The following MAEA variants were observed in gnomAD, a reference collection of about 807,000 sequenced individuals.
MAEA encodes the protein macrophage erythroblast attacher, E3 ubiquitin ligase.
In MAEA, 22 loss-of-function variants were observed where a neutral mutation model predicts 46.2. The observed-to-expected ratio is 0.48, with a 90% confidence interval of 0.34 to 0.68. The LOEUF (loss-of-function observed/expected upper bound fraction) is 0.68, where lower values mean the gene tolerates loss of function less well. MAEA is among the 30% of genes least tolerant of loss of function. The pLI, the probability that MAEA is intolerant of heterozygous loss-of-function variation, is 0.01. For synonymous variants in MAEA, 246 were observed against 222.6 expected (o/e 1.11, Z -0.94); for missense variants, 393 against 558.1 (o/e 0.70, Z 2.98).
At chr4:1,319,559 G>T (rs1411968874) in intron 3 of MAEA, among the ~76,000 whole-genome samples, 1 of 151,688 alleles carries the variant, frequency 6.6e-6, no homozygotes. Flanking sequence ...GTGTTGACGG[G>T]ACATGAGGCA....
At chr4:1,309,637 A>T (rs1736221485) in intron 1 of MAEA, 4 of 1,530,068 alleles carry the variant, frequency 2.6e-6, no homozygotes, top group South Asian at 1.2e-5. Flanking sequence ...CCTGAGGAGT[A>T]AGCGGCTGGA....
chr4:1,337,225 T>A lies in MAEA; in HGVS notation c.899+231T>A, dbSNP rs1176632013. ...GGGAAGTGGCGCGCTTCCTCTCTCA[T>A]CATCTCAGAGGCCGCCATGGGCATT... On this transcript the variant is annotated intron_variant, in intron 7 of 8. Coordinates refer to ENST00000303400, the MANE Select transcript of MAEA (RefSeq NM_001017405.3). 6 of 560,390 alleles carry A rather than the reference T, an allele frequency of 1.1e-5. 1 individual carries two copies. Among genetic ancestry groups the A allele is most frequent in the African/African-American group, 1.9e-5 (1 of 52,756 alleles). The allele number at this position is 560,390 out of a possible 1,614,324, so 34.7% of individuals were successfully genotyped here.
chr4:1,291,282 G>T (rs912977875), intron 1 of MAEA, among the ~76,000 whole-genome samples: 3 of 152,184 alleles, frequency 2.0e-5, no homozygotes, highest in African/African-American at 7.2e-5. Context: ...ACAGGTGTGA[G>T]CCACGCGCCC....
intron 1 of MAEA, among the ~76,000 whole-genome samples, chr4:1,292,616 C>T (rs1734208625): frequency 6.6e-6 from 1 of 152,156 alleles, no homozygotes; most frequent in South Asian, 2.1e-4. Context: ...TGTCTGCCTG[C>T]CAGATGCCAA....
intron 5 of MAEA, chr4:1,329,028 C>T (rs1015842246): frequency 1.0e-6 from 1 of 986,020 alleles, no homozygotes; most frequent in Non-Finnish European, 1.2e-6. Context: ...TGTCGCTGGC[C>T]TCTGTCCGGC....
At chr4:1,326,754 C>G (rs60722337) in intron 4 of MAEA, among the ~76,000 whole-genome samples, 30,509 of 152,128 alleles carry the variant, frequency 0.2, 3,762 homozygotes, top group African/African-American at 0.35. Context: ...CCACCTAGGA[C>G]CTCAGTGTCC....
Position 1,311,405 on chromosome 4 carries a change from T to A in MAEA, c.70-574T>A, listed in dbSNP as rs1736488398. Among the ~76,000 whole-genome samples the A allele has an allele frequency of 6.6e-6, 1 of 152,224 alleles. No individual in the cohort carries two copies. The highest frequency in any genetic ancestry group is 1.5e-5 in the Non-Finnish European group (1 of 68,036). On this transcript the variant is annotated intron_variant, in intron 1 of 8. Coordinates refer to ENST00000303400, the MANE Select transcript of MAEA (RefSeq NM_001017405.3). The surrounding 1 kb of genome is among the most constrained non-coding windows in gnomAD (Gnocchi z 4.4). ...TAAGATTCTCCTTGATTGGCTTATT[T>A]CCACAGGGAATGGATGGTTCTTACG...
At chr4:1,322,549 C>T in intron 4 of MAEA, 46 bp downstream of exon 4, 5 of 1,603,562 alleles carry the variant, frequency 3.1e-6, no homozygotes, top group Non-Finnish European at 4.3e-6. Flanking sequence ...GGGGCCGAGG[C>T]TGCGCCACCT....
At chr4:1,330,472 A>ATG (rs1560381745) in intron 5 of MAEA, 20 of 122,612 alleles carry the variant, frequency 1.6e-4, no homozygotes, top group African/African-American at 5.1e-4. Context: ...GCCCACCACC[A>ATG]CGCCCGGCTA....
At chr4:1,294,482 G>A (rs1232195383) in intron 1 of MAEA, among the ~76,000 whole-genome samples, 1 of 152,174 alleles carries the variant, frequency 6.6e-6, no homozygotes, top group African/African-American at 2.4e-5. Flanking sequence ...GGGCTAGGTT[G>A]GAGGCAGTAC....
At chr4:1,295,934 ACACCTGTGCCACCCTCGCCCG>A (rs1734640449) in intron 1 of MAEA, among the ~76,000 whole-genome samples, 1 of 42,758 alleles carries the variant, frequency 2.3e-5, no homozygotes, top group African/African-American at 9.2e-5. Flanking sequence ...CCCCTCACCC[ACACCTGTGCCACCCTCGCCCG>A]CACCTGTGCC....
At position 1,332,640 on chromosome 4, in the gene MAEA, G is replaced by T. The variant is rs1291614625; in HGVS notation, c.657-117G>T. ...GATCGCCTGAGCCTGAGAGTTCGAG[G>T]CTACAGTGAGCTGTGACTGTGCCAC... On this transcript the variant is annotated intron_variant, in intron 5 of 8. Transcript: ENST00000303400. 7.1e-6 allele frequency: 5 copies of T among 705,874 alleles called. No homozygotes were observed. The Admixed American group carries it at 1.2e-4, about 18-fold the overall frequency. 43.7% of individuals were successfully genotyped at this position (705,874 alleles called of 1,614,324 possible). A position where few individuals can be genotyped will look rare whatever the true frequency, so the allele number is the denominator to read the frequency against.
intron 3 of MAEA, among the ~76,000 whole-genome samples, chr4:1,320,915 A>G (rs1388568625): frequency 1.3e-5 from 2 of 152,138 alleles, no homozygotes; most frequent in African/African-American, 4.8e-5. Context: ...CCTGGCTAAC[A>G]CGGTGAAACC....
Position 1,311,777 on chromosome 4 carries a change from C to G in MAEA, c.70-202C>G, listed in dbSNP as rs1736535584. On this transcript the variant is annotated intron_variant, in intron 1 of 8. Coordinates refer to ENST00000303400, the MANE Select transcript of MAEA (RefSeq NM_001017405.3). This position sits in a 1 kb window ranked among gnomAD's most constrained non-coding sequence, Gnocchi z 4.4. ...GGCAAAAATTGGGGTTGCTTCTCATCCAGGGATGTGGAGTGGCTCTCCGTT... is the reference window on the plus strand; with the variant it reads ...GGCAAAAATTGGGGTTGCTTCTCATGCAGGGATGTGGAGTGGCTCTCCGTT... Among the ~76,000 whole-genome samples the G allele has an allele frequency of 6.6e-6, 1 of 152,186 alleles. No individual in the cohort carries two copies. The highest frequency in any genetic ancestry group is 1.5e-5 in the Non-Finnish European group (1 of 68,022).
At position 1,309,674 on chromosome 4, in the gene MAEA, G is replaced by A. The variant is rs757339253; in HGVS notation, c.70-2305G>A. ...GTGGACCCTGAGAGCCACTGGCAGG[G>A]AGGTGGGGTCTTCCAGTTGTGAAGA... On this transcript the variant is annotated intron_variant, in intron 1 of 8. Coordinates refer to ENST00000303400, the MANE Select transcript of MAEA (RefSeq NM_001017405.3). 8 of 1,531,912 alleles carry A rather than the reference G, an allele frequency of 5.2e-6. No individual in the cohort carries two copies. The East Asian group carries it at 2.0e-4, about 37-fold the overall frequency. The allele number at this position is 1,531,912 out of a possible 1,614,324, so 94.9% of individuals were successfully genotyped here.
intron 3 of MAEA, among the ~76,000 whole-genome samples, chr4:1,320,710 C>T (rs1231215386): frequency 6.6e-6 from 1 of 151,942 alleles, no homozygotes; most frequent in South Asian, 2.1e-4. Context: ...CATGAACATG[C>T]AAGAAGACGC....
chr4:1,332,432 A>C, intron 5 of MAEA: 1 of 214,970 alleles, frequency 4.7e-6, no homozygotes, highest in Non-Finnish European at 9.5e-6. Context: ...TTAAAAATGC[A>C]GGCCGGGTGC....
rs1733922932 is a variant in MAEA, at chr4:1,289,988, C to G, written c.69+6C>G. 1 of 1,582,538 alleles carries G rather than the reference C, an allele frequency of 6.3e-7. No individual in the cohort carries two copies. The highest frequency in any genetic ancestry group is 1.4e-5 in the African/African-American group (1 of 72,826). On this transcript the variant is annotated splice_donor_region_variant and intron_variant, in intron 1 of 8. Coordinates refer to ENST00000303400, the MANE Select transcript of MAEA (RefSeq NM_001017405.3). The stretch of plus-strand genomic sequence containing the variant: ...AGGAGTACCCGACCCTCAAGGTGGG[C>G]GCCTGCGCCGCGCAGGCTGAGGGCA...
At chr4:1,308,455 C>A (rs1405181893) in intron 1 of MAEA, among the ~76,000 whole-genome samples, 1 of 152,228 alleles carries the variant, frequency 6.6e-6, no homozygotes, top group Non-Finnish European at 1.5e-5. Context: ...GTTCTCGTGG[C>A]CTACTGGGGA....
Sources: gnomAD v4.1 joint callset for allele counts (sites outside exome capture counted in the v4.1 genomes callset) on GRCh38, gnomAD v4.1.1 for gene constraint, Gnocchi (gnomAD v3.1) non-coding constraint, MANE v1.5 for transcripts, NCBI Gene and HGNC (gene_info 2026-07-23, HGNC 2026-07-21) for gene names.